PTPRD: variants seen among roughly 807,000 people sequenced by gnomAD.
The protein encoded by PTPRD is receptor-type tyrosine-protein phosphatase delta.
PTPRD carries 34 observed loss-of-function variants against 214.5 expected under a neutral mutation model. That is an observed-to-expected ratio of 0.16 (90% CI 0.12 to 0.21). PTPRD has a LOEUF of 0.21. PTPRD is among the 10% of genes least tolerant of loss of function. PTPRD has a pLI of 1.00. For synonymous variants in PTPRD, 1,128 were observed against 845.7 expected, an observed-to-expected ratio of 1.33 and a Z score of -5.79; for missense variants, 2,545 against 2,398.7, an observed-to-expected ratio of 1.06 and a Z score of -1.27.
chr9:10,531,738 T>C (rs1306599300), intron 2 of PTPRD, among the ~76,000 whole-genome samples: 2 of 152,192 alleles, frequency 1.3e-5, no homozygotes. Flanking sequence ...TCTGTGTTCA[T>C]TTAGTGTTTC....
chr9:8,523,923 T>C (rs1450414811), intron 18 of PTPRD, among the ~76,000 whole-genome samples: 5 of 152,144 alleles, frequency 3.3e-5, no homozygotes, highest in African/African-American at 1.2e-4. Flanking sequence ...AAATTACCTC[T>C]AACAAAAATT....
chr9:8,679,204 C>G (rs2097500992), intron 12 of PTPRD, among the ~76,000 whole-genome samples: 1 of 152,184 alleles, frequency 6.6e-6, no homozygotes, highest in East Asian at 1.9e-4. Flanking sequence ...ATGATGCATT[C>G]TCATCTAGCA....
At chr9:8,887,366 C>T (rs891397984) in intron 11 of PTPRD, among the ~76,000 whole-genome samples, 16 of 152,156 alleles carry the variant, frequency 1.1e-4, no homozygotes, top group Non-Finnish European at 2.1e-4. Context: ...CTGGCTCCTG[C>T]ACATAGATGG....
intron 11 of PTPRD, among the ~76,000 whole-genome samples, chr9:8,881,641 G>A (rs1268846624): frequency 2.0e-5 from 3 of 152,212 alleles, no homozygotes; most frequent in African/African-American, 7.2e-5. Flanking sequence ...GCATAGTATA[G>A]TGGAAAGAGT....
At chr9:10,575,369 TC>T (rs1055062575) in intron 2 of PTPRD, among the ~76,000 whole-genome samples, 20 of 152,174 alleles carry the variant, frequency 1.3e-4, no homozygotes, top group African/African-American at 4.6e-4. Context: ...AAGTTCTTTC[TC>T]TAGGAAAAAA....
intron 6 of PTPRD, among the ~76,000 whole-genome samples, chr9:9,765,319 C>T (rs868453802): frequency 6.6e-6 from 1 of 152,078 alleles, no homozygotes; most frequent in Non-Finnish European, 1.5e-5. Flanking sequence ...TGAGTATGTA[C>T]ATATAACCGT....
At chr9:10,157,514 G>A (rs922400149) in intron 3 of PTPRD, among the ~76,000 whole-genome samples, 10 of 152,200 alleles carry the variant, frequency 6.6e-5, no homozygotes, top group South Asian at 2.1e-4. Context: ...TTAGTCTCAC[G>A]GGCTTCCCTT....
chr9:8,656,206 A>G (rs2096906447), intron 12 of PTPRD, among the ~76,000 whole-genome samples: 1 of 152,232 alleles, frequency 6.6e-6, no homozygotes. Context: ...TGGCACAGTA[A>G]GGCCTGGGAA....
At chr9:8,699,842 A>C (rs1220500334) in intron 12 of PTPRD, among the ~76,000 whole-genome samples, 2 of 152,208 alleles carry the variant, frequency 1.3e-5, no homozygotes, top group African/African-American at 4.8e-5. Context: ...TTTTACATTA[A>C]AATCTGCAGA....
intron 10 of PTPRD, among the ~76,000 whole-genome samples, chr9:9,102,415 G>A (rs911834209): frequency 2.0e-5 from 3 of 152,164 alleles, no homozygotes; most frequent in East Asian, 1.9e-4. Context: ...ATCACGCTGC[G>A]GGAACTGTGG....
rs575768514 is a variant in PTPRD at position 8,807,230 on chromosome 9, G to C, written c.-103-73284C>G. On this transcript the variant is annotated intron_variant, in intron 11 of 45. Coordinates refer to ENST00000381196, the MANE Select transcript of PTPRD (RefSeq NM_002839.4). ...TGCATGCCTGTAATCCCAGCTACTT[G>C]TGAGGCTGAGGCAGGAGAATCGCTT... Among the ~76,000 whole-genome samples, 6 of 152,184 alleles carry C rather than the reference G, an allele frequency of 3.9e-5. No homozygotes were observed. In the East Asian group the frequency reaches 5.8e-4, roughly 15 times the overall value.
chr9:9,638,059 G>A (rs2095827988), intron 7 of PTPRD, among the ~76,000 whole-genome samples: 1 of 152,022 alleles, frequency 6.6e-6, no homozygotes, highest in Non-Finnish European at 1.5e-5. Context: ...AATGTCTTTG[G>A]GGTCATTATC....
At chr9:9,594,956 C>G (rs1316601083) in intron 7 of PTPRD, among the ~76,000 whole-genome samples, 1 of 151,864 alleles carries the variant, frequency 6.6e-6, no homozygotes, top group Non-Finnish European at 1.5e-5. Context: ...AAAAGAAGAT[C>G]TACAAATGGT....
chr9:10,592,216 A>C (rs1239494681), intron 2 of PTPRD, among the ~76,000 whole-genome samples: 1 of 151,990 alleles, frequency 6.6e-6, no homozygotes, highest in Non-Finnish European at 1.5e-5. Flanking sequence ...GAAAAGGGTT[A>C]ATGGAAAGGA....
At position 10,075,175 on chromosome 9, in the gene PTPRD, G is replaced by A. The variant is rs1370141502; in HGVS notation, c.-544-41385C>T. On this transcript the variant is annotated intron_variant, in intron 3 of 45. Coordinates refer to ENST00000381196, the MANE Select transcript of PTPRD (RefSeq NM_002839.4). ...CAGTGAAATAAGGCTTGTATCTTTT[G>A]CTGAGTACTTGCAATAACCTACATT... Among the ~76,000 whole-genome samples the A allele has an allele frequency of 9.2e-5, 14 of 151,956 alleles. 1 individual carries two copies. Among genetic ancestry groups the A allele is most frequent in the Admixed American group, 9.2e-4 (14 of 15,226 alleles).
chr9:10,592,825 G>A (rs1230901335), intron 2 of PTPRD, among the ~76,000 whole-genome samples: 1 of 151,868 alleles, frequency 6.6e-6, no homozygotes, highest in Admixed American at 6.6e-5. Flanking sequence ...ATTGAAAAAC[G>A]GGAACACTGA....
chr9:9,145,430 C>T (rs947114236), intron 10 of PTPRD, among the ~76,000 whole-genome samples: 1 of 146,832 alleles, frequency 6.8e-6, no homozygotes, highest in African/African-American at 2.6e-5. Context: ...ATTGAGTGTC[C>T]TTTTAATTTA....
chr9:8,449,967 C>G, intron 33 of PTPRD, 130 bp from the exon 34 acceptor site: 1 of 845,692 alleles, frequency 1.2e-6, no homozygotes. Flanking sequence ...ACCCAGCTGA[C>G]TTGTGACCCA....
intron 7 of PTPRD, among the ~76,000 whole-genome samples, chr9:9,696,818 G>C (rs369747054): frequency 3.2e-4 from 48 of 152,010 alleles, no homozygotes; most frequent in African/African-American, 1.1e-3. Context: ...ATTATTGATA[G>C]GTAAAGATTT....
Sources: allele counts gnomAD v4.1 joint callset (sites outside exome capture counted in the v4.1 genomes callset), GRCh38; gene constraint gnomAD v4.1.1; transcripts MANE v1.5; gene names NCBI Gene and HGNC (gene_info 2026-07-23, HGNC 2026-07-21).